Variants in POTEJ observed in about 807,000 individuals in gnomAD.
POTEJ encodes the protein POTE ankyrin domain family, member J.
A neutral mutation model predicts 69.0 loss-of-function variants in POTEJ; 11 were observed. The ratio of observed to expected loss-of-function variants is 0.16; its 90% CI spans 0.10 to 0.26. The LOEUF (loss-of-function observed/expected upper bound fraction) is 0.26. Among genes scored for constraint, POTEJ ranks in the 10% least tolerant of loss-of-function variants. The pLI, the probability that POTEJ is intolerant of heterozygous loss-of-function variation, is 1.00. For synonymous variants in POTEJ, 117 were observed against 381.1 expected (o/e 0.31, Z 8.07); for missense variants, 327 against 1,045.5 (o/e 0.31, Z 9.48).
intron 10 of POTEJ, among the ~76,000 whole-genome samples, chr2:130,641,176 G>A (rs1456536918): frequency 6.6e-5 from 10 of 152,182 alleles, no homozygotes; most frequent in African/African-American, 2.4e-4. Context: ...ATTGGATTTG[G>A]CCTGTGGCCT....
intron 13 of POTEJ, among the ~76,000 whole-genome samples, chr2:130,649,311 A>G (rs1375693218): frequency 2.0e-5 from 3 of 152,182 alleles, no homozygotes; most frequent in Admixed American, 1.3e-4. Flanking sequence ...TTTGGTTAAC[A>G]GCAACTCTTC....
At chr2:130,624,206 G>T (rs1685623234) in intron 6 of POTEJ, 72 bp downstream of exon 6, 2 of 1,005,144 alleles carry the variant, frequency 2.0e-6, no homozygotes, top group South Asian at 3.3e-5. Context: ...CCGGTTTTGT[G>T]GAAGACAATT....
At chr2:130,646,469 G>A (rs565693322) in intron 13 of POTEJ, among the ~76,000 whole-genome samples, 159 bp downstream of exon 13, 1,813 of 131,576 alleles carry the variant, frequency 0.014, 90 homozygotes, top group Middle Eastern at 0.066. Context: ...ATCAGTTACC[G>A]TTTTTTTTCC....
intron 3 of POTEJ, among the ~76,000 whole-genome samples, chr2:130,618,321 C>T (rs1573969127): frequency 6.6e-6 from 1 of 152,310 alleles, no homozygotes; most frequent in Admixed American, 6.5e-5. Context: ...GTTGCACTAG[C>T]TTTCAGCTAG....
rs1685315329 is a variant in POTEJ, at chr2:130,613,413, T to TACA, written c.410+1471_410+1472insACA. Among the ~76,000 whole-genome samples the TACA allele has an allele frequency of 2.1e-5, 3 of 142,450 alleles. No homozygotes were observed. The East Asian group carries it at 6.1e-4, about 29-fold the overall frequency. 93.5% of individuals were successfully genotyped at this position (142,450 alleles called of 152,430 possible). Reference sequence around the variant, plus strand: ...ATATATATATATATATATATATACTTTTTTTTTTGGTGGAGTCTCACTCTG... The same window carrying TACA: ...ATATATATATATATATATATATACTTACATTTTTTTTGGTGGAGTCTCACTCTG... On this transcript the variant is annotated intron_variant, in intron 1 of 14. Coordinates refer to ENST00000409602, the MANE Select transcript of POTEJ (RefSeq NM_001277083.2).
chr2:130,644,611 C>A (rs1229564705), intron 11 of POTEJ, among the ~76,000 whole-genome samples: 3 of 151,524 alleles, frequency 2.0e-5, no homozygotes, highest in East Asian at 1.9e-4. Context: ...ATTTAAAATA[C>A]TCTTATTTTA....
chr2:130,614,088 T>G (rs1685339504), intron 1 of POTEJ, among the ~76,000 whole-genome samples: 2 of 115,414 alleles, frequency 1.7e-5, no homozygotes, highest in African/African-American at 8.1e-5. Flanking sequence ...ACCAGGGAGG[T>G]GGAGGTTGCA....
At chr2:130,636,058 G>A (rs1367683796) in intron 9 of POTEJ, among the ~76,000 whole-genome samples, 3 of 143,580 alleles carry the variant, frequency 2.1e-5, no homozygotes, top group African/African-American at 9.0e-5. Flanking sequence ...CAGCCACACT[G>A]AATTCTTGCC....
intron 6 of POTEJ, among the ~76,000 whole-genome samples, chr2:130,624,637 C>T (rs1360635059): frequency 6.6e-6 from 1 of 151,982 alleles, no homozygotes; most frequent in East Asian, 1.9e-4. Context: ...TGGTGTGGTT[C>T]ATAATAGTCC....
intron 4 of POTEJ, 70 bp from the exon 5 acceptor site, chr2:130,621,396 T>G (rs1685544137): frequency 7.4e-7 from 1 of 1,356,154 alleles, no homozygotes; most frequent in Admixed American, 2.6e-5. Flanking sequence ...GGCAAGATGT[T>G]ACATTGGTAA....
intron 6 of POTEJ, among the ~76,000 whole-genome samples, chr2:130,626,419 G>C (rs1175511574): frequency 1.3e-5 from 2 of 151,240 alleles, no homozygotes; most frequent in East Asian, 1.9e-4. Context: ...TCTGGTTATG[G>C]TGTAAAACGG....
chr2:130,638,265 G>A (rs1183477509), intron 9 of POTEJ, among the ~76,000 whole-genome samples: 1 of 151,540 alleles, frequency 6.6e-6, no homozygotes, highest in Non-Finnish European at 1.5e-5. Context: ...TCCTCACTTT[G>A]TAGAAGAAGA....
chr2:130,637,153 T>A (rs1686124891), intron 9 of POTEJ, among the ~76,000 whole-genome samples: 1 of 150,716 alleles, frequency 6.6e-6, no homozygotes, highest in African/African-American at 2.4e-5. Context: ...ATTTTTAAAA[T>A]CGTTTTGGCT....
intron 10 of POTEJ, among the ~76,000 whole-genome samples, chr2:130,639,720 T>C (rs1261236876): frequency 1.3e-5 from 2 of 152,100 alleles, no homozygotes; most frequent in Non-Finnish European, 2.9e-5. Flanking sequence ...GGAGACAAGA[T>C]GGAATAGATG....
intron 5 of POTEJ, chr2:130,622,863 TA>T (rs1157796548): frequency 2.0e-5 from 3 of 150,394 alleles, no homozygotes; most frequent in African/African-American, 5.0e-5. Flanking sequence ...GCACATATCC[TA>T]AAATTGGAAC....
At chr2:130,613,279 T>TATATAC (rs1685288686) in intron 1 of POTEJ, among the ~76,000 whole-genome samples, 3 of 55,100 alleles carry the variant, frequency 5.4e-5, no homozygotes, top group African/African-American at 5.1e-4. Flanking sequence ...TATATACATA[T>TATATAC]GTATATATAC....
At chr2:130,613,280 GTATA>G (rs1220376524) in intron 1 of POTEJ, among the ~76,000 whole-genome samples, 4 of 47,190 alleles carry the variant, frequency 8.5e-5, no homozygotes, top group African/African-American at 2.1e-4. Context: ...ATATACATAT[GTATA>G]TATACATATA....
intron 6 of POTEJ, among the ~76,000 whole-genome samples, chr2:130,625,884 G>T (rs1685687487): frequency 7.4e-6 from 1 of 134,440 alleles, no homozygotes; most frequent in Admixed American, 7.5e-5. Flanking sequence ...GCTTTGGACT[G>T]CAAATACTAG....
At chr2:130,641,435 T>C (rs1686369250) in intron 10 of POTEJ, among the ~76,000 whole-genome samples, 1 of 148,554 alleles carries the variant, frequency 6.7e-6, no homozygotes, top group African/African-American at 2.5e-5. Context: ...GAAATAACAT[T>C]AATAGTTGGC....
Sources: allele counts gnomAD v4.1 joint callset (sites outside exome capture counted in the v4.1 genomes callset), GRCh38; gene constraint gnomAD v4.1.1; transcripts MANE v1.5; gene names NCBI Gene and HGNC (gene_info 2026-07-23, HGNC 2026-07-21).